Variants in NRXN3 observed in about 807,000 individuals in gnomAD.
NRXN3 encodes neurexin 3, also known as neurexin III.
NRXN3 carries 32 observed loss-of-function variants against 137.6 expected under a neutral mutation model. That is an observed-to-expected ratio of 0.23 (90% confidence interval 0.18 to 0.31). The LOEUF (loss-of-function observed/expected upper bound fraction) is 0.31. Ranked by LOEUF, NRXN3 falls within the 10% of genes least tolerant of loss-of-function variation. The probability of loss-of-function intolerance (pLI) is 1.00; values close to 1 mark genes in which losing one functional copy is unlikely to be tolerated. For synonymous variants in NRXN3, 798 were observed against 784.5 expected (o/e 1.02, Z -0.29); for missense variants, 1,574 against 2,062.5 (o/e 0.76, Z 4.59).
chr14:79,227,739 CTCCTTCCTTCCTTCCTTCCTTCCT>C (rs745869619), intron 15 of NRXN3, among the ~76,000 whole-genome samples: 1 of 63,822 alleles, frequency 1.6e-5, no homozygotes, highest in African/African-American at 5.8e-5. Context: ...TCTCCTTTCT[CTCCTTCCTTCCTTCCTTCCTTCCT>C]TCCTTCCTTC....
At chr14:79,734,261 CT>C (rs1345493985) in intron 19 of NRXN3, among the ~76,000 whole-genome samples, 1 of 152,146 alleles carries the variant, frequency 6.6e-6, no homozygotes, top group Non-Finnish European at 1.5e-5. Context: ...TGTGTAAACT[CT>C]GGAATTCTAT....
chr14:79,288,771 G>A (rs1238088063), intron 15 of NRXN3, among the ~76,000 whole-genome samples: 2 of 152,168 alleles, frequency 1.3e-5, no homozygotes, highest in African/African-American at 4.8e-5. Flanking sequence ...CCTTTCCAAA[G>A]CATCTACAAG....
At chr14:78,528,917 C>T (rs926191341) in intron 4 of NRXN3, among the ~76,000 whole-genome samples, 35 of 152,130 alleles carry the variant, frequency 2.3e-4, no homozygotes, top group Admixed American at 2.2e-3. Flanking sequence ...TGAGGCACTT[C>T]CCTCACCCTA....
chr14:78,621,047 T>C (rs879534294), intron 4 of NRXN3, among the ~76,000 whole-genome samples: 1 of 152,134 alleles, frequency 6.6e-6, no homozygotes, highest in Non-Finnish European at 1.5e-5. Context: ...GTATGAGCTG[T>C]TGGGGTAAGA....
intron 6 of NRXN3, among the ~76,000 whole-genome samples, chr14:78,662,465 T>C (rs1251997373): frequency 6.6e-6 from 1 of 152,038 alleles, no homozygotes; most frequent in Non-Finnish European, 1.5e-5. Context: ...GTACTTAACA[T>C]AAGGAAGAAC....
At chr14:79,726,830 T>C (rs2098892964) in intron 19 of NRXN3, among the ~76,000 whole-genome samples, 1 of 152,174 alleles carries the variant, frequency 6.6e-6, no homozygotes. Flanking sequence ...GTTCATATAG[T>C]ATGACAGTTT....
intron 4 of NRXN3, among the ~76,000 whole-genome samples, chr14:78,471,138 G>C (rs1050167814): frequency 6.6e-6 from 1 of 152,032 alleles, no homozygotes; most frequent in Non-Finnish European, 1.5e-5. Flanking sequence ...GAGTGGACTT[G>C]GTATCCTGAG....
intron 4 of NRXN3, among the ~76,000 whole-genome samples, chr14:78,644,615 C>T (rs964924825): frequency 6.6e-6 from 1 of 152,168 alleles, no homozygotes; most frequent in Non-Finnish European, 1.5e-5. Context: ...TTATAGAAAC[C>T]AAAGTTAGCT....
intron 4 of NRXN3, among the ~76,000 whole-genome samples, chr14:78,386,311 T>C (rs73319533): frequency 0.028 from 4,294 of 152,284 alleles, 178 homozygotes; most frequent in African/African-American, 0.093. Context: ...TTTAAAAGTT[T>C]GCTTTTCAAA....
chr14:78,940,402 T>A (rs536116363), intron 10 of NRXN3, among the ~76,000 whole-genome samples: 12 of 152,330 alleles, frequency 7.9e-5, no homozygotes, highest in Admixed American at 5.9e-4. Flanking sequence ...GTTCCTTAGG[T>A]ATAATGCAAA....
chr14:78,588,095 G>A (rs2097083859), intron 4 of NRXN3, among the ~76,000 whole-genome samples: 1 of 151,782 alleles, frequency 6.6e-6, no homozygotes, highest in Admixed American at 6.6e-5. Flanking sequence ...ATAAATGAGA[G>A]GGATTTTTTT....
chr14:78,201,826 C>T (rs542305183), intron 1 of NRXN3, among the ~76,000 whole-genome samples: 3 of 152,266 alleles, frequency 2.0e-5, no homozygotes, highest in South Asian at 2.1e-4. Context: ...TCAGCCGCTC[C>T]GACATGCTGT....
At chr14:78,683,299 A>G (rs149632623) in intron 6 of NRXN3, among the ~76,000 whole-genome samples, 228 of 152,320 alleles carry the variant, frequency 1.5e-3, no homozygotes, top group African/African-American at 5.4e-3. Context: ...TTGCTATTGG[A>G]CATTATTCTA....
chr14:78,630,597 CTTTTTTTT>C (rs370862037), intron 4 of NRXN3, among the ~76,000 whole-genome samples: 1 of 127,840 alleles, frequency 7.8e-6, no homozygotes, highest in Non-Finnish European at 1.7e-5. Context: ...TTCTTTCTTT[CTTTTTTTT>C]TTTTTTTTGT....
intron 15 of NRXN3, among the ~76,000 whole-genome samples, chr14:79,324,907 A>G (rs2090625655): frequency 6.6e-6 from 1 of 152,194 alleles, no homozygotes; most frequent in Non-Finnish European, 1.5e-5. Context: ...AAAAAAGAAA[A>G]CAGCCCTGAA....
At chr14:78,486,604 C>G (rs188823715) in intron 4 of NRXN3, among the ~76,000 whole-genome samples, 1 of 152,290 alleles carries the variant, frequency 6.6e-6, no homozygotes, top group East Asian at 1.9e-4. Flanking sequence ...CACTGAGAGC[C>G]TGGGCTTGTC....
chr14:79,679,620 G>A (rs2098659190), intron 17 of NRXN3, among the ~76,000 whole-genome samples: 1 of 151,998 alleles, frequency 6.6e-6, no homozygotes, highest in Admixed American at 6.6e-5. Flanking sequence ...GTTAAGGAGG[G>A]AATTATAGAA....
intron 15 of NRXN3, among the ~76,000 whole-genome samples, chr14:79,141,804 C>A (rs1191328293): frequency 6.6e-6 from 1 of 152,100 alleles, no homozygotes; most frequent in Non-Finnish European, 1.5e-5. Context: ...ACACATTTTA[C>A]CTGAAGTGAC....
At chr14:79,825,436 G>A (rs1237021128) in intron 20 of NRXN3, among the ~76,000 whole-genome samples, 2 of 152,090 alleles carry the variant, frequency 1.3e-5, no homozygotes, top group Non-Finnish European at 2.9e-5. Context: ...GAGTAGCCAC[G>A]TTGACCCTAG....
Sources: allele counts gnomAD v4.1 joint callset (sites outside exome capture counted in the v4.1 genomes callset), GRCh38; gene constraint gnomAD v4.1.1; transcripts MANE v1.5; gene names NCBI Gene and HGNC (gene_info 2026-07-23, HGNC 2026-07-21).